Variants in KIRREL2 observed in about 807,000 individuals in gnomAD.
KIRREL2 encodes the protein kirre like nephrin family adhesion molecule 2, also known as kin of IRRE-like protein 2.
KIRREL2 carries 56 observed loss-of-function variants against 73.4 expected under a neutral mutation model. The observed-to-expected ratio is 0.76, with a 90% CI of 0.62 to 0.95. KIRREL2 has a LOEUF of 0.95. KIRREL2 is among the 40% of genes least tolerant of loss of function. The pLI is 0.00. For synonymous variants in KIRREL2, 407 were observed against 404.0 expected (o/e 1.01, Z -0.09); for missense variants, 896 against 935.0 (o/e 0.96, Z 0.54).
intron 4 of KIRREL2, 116 bp from the exon 5 acceptor site, chr19:35,859,365 T>A: frequency 1.2e-6 from 1 of 839,866 alleles, no homozygotes; most frequent in Non-Finnish European, 1.8e-6. Flanking sequence ...TCAGCTATCA[T>A]TAGTGTTAGT....
intron 12 of KIRREL2, 81 bp downstream of exon 12, chr19:35,862,678 TGGGCCTTGGC>T: frequency 9.3e-7 from 1 of 1,073,446 alleles, no homozygotes; most frequent in South Asian, 1.3e-5. Context: ...GACCTGGCCT[TGGGCCTTGGC>T]TCCAGTCCCA....
Position 35,866,505 on chromosome 19 carries a change from G to A in KIRREL2, c.*13G>A, listed in dbSNP as rs763001208. ...GACTCACGTGTGACATCTTTCCAAT[G>A]GAAGAGTCCTGGGATCTCCAACTTG... is the stretch of plus-strand genomic sequence containing the variant. On this transcript the variant is annotated 3_prime_UTR_variant, in exon 15 of 15. Coordinates refer to ENST00000360202, the MANE Select transcript of KIRREL2 (RefSeq NM_199180.4). 4 of 1,613,552 alleles carry A rather than the reference G, an allele frequency of 2.5e-6. No homozygotes were observed. The highest frequency in any genetic ancestry group is 4.5e-5 in the East Asian group (2 of 44,878).
At position 35,860,784 on chromosome 19, in the gene KIRREL2, G is replaced by A; in HGVS notation, c.928+117G>A. Reference sequence around the variant, plus strand: ...AGCGAGCGTGGGGTATTAGGAGGAGGAGAGTGTGGAGCTGGGGCATATTCT... The same window carrying A: ...AGCGAGCGTGGGGTATTAGGAGGAGAAGAGTGTGGAGCTGGGGCATATTCT... On this transcript the variant is annotated intron_variant, in intron 7 of 14. Coordinates refer to ENST00000360202, the MANE Select transcript of KIRREL2 (RefSeq NM_199180.4). 4 of 1,577,610 alleles carry A rather than the reference G, an allele frequency of 2.5e-6. No homozygotes were observed. The South Asian group carries it at 3.3e-5, about 13-fold the overall frequency.
chr19:35,861,550 T>C lies in KIRREL2; in HGVS notation c.1199T>C (p.Val400Ala), dbSNP rs1973684096. 1 of 1,613,758 alleles carries C rather than the reference T, an allele frequency of 6.2e-7. No individual in the cohort carries two copies. Among genetic ancestry groups the C allele is most frequent in the Non-Finnish European group, 8.5e-7 (1 of 1,179,954 alleles). Residue 400 changes from valine (V) to alanine (A), a missense_variant, in exon 10 of 15, where the codon GTA (valine) becomes GCA (alanine). Physicochemically the swap from Val to Ala is moderately conservative, Grantham distance 64. Coordinates refer to ENST00000360202, the MANE Select transcript of KIRREL2 (RefSeq NM_199180.4). Reference sequence around the variant, plus strand: ...ACAGTCTCCATCCCAGCTCCCCCAGTAGTGACCGCCCTGCACTCTGCGCCT... The same window carrying C: ...ACAGTCTCCATCCCAGCTCCCCCAGCAGTGACCGCCCTGCACTCTGCGCCT... The part of the protein sequence containing the change: ...EARLTVNAPP[V>A]VTALHSAPAF...
At chr19:35,863,484 A>T (rs140009065) in intron 13 of KIRREL2, among the ~76,000 whole-genome samples, 1,878 of 130,404 alleles carry the variant, frequency 0.014, 23 homozygotes, top group Middle Eastern at 0.021. Context: ...GCAGAATTTC[A>T]CTCTGTCACC....
intron 7 of KIRREL2, 23 bp from the exon 8 acceptor site, chr19:35,860,886 G>A: frequency 6.2e-7 from 1 of 1,612,808 alleles, no homozygotes; most frequent in South Asian, 1.1e-5. Context: ...CCGGCCATGT[G>A]ACCCCTAGTC....
In KIRREL2 at chr19:35,857,153, C is replaced by G. The variant is rs764100394; in HGVS notation, c.34C>G (p.Leu12Val). 7 of 1,613,012 alleles carry G rather than the reference C, an allele frequency of 4.3e-6. No homozygotes were observed. The East Asian group carries it at 1.1e-4, about 26-fold the overall frequency. The change falls in exon 1 of 15, where the codon CTC (leucine) becomes GTC (valine). Residue 12 changes from leucine (L) to valine (V), a missense_variant. Coordinates refer to ENST00000360202, the MANE Select transcript of KIRREL2 (RefSeq NM_199180.4). ...LRMRVPALLV[L>V]LFCFRGRAGP... Reference sequence around the variant, plus strand: ...GATGCGGGTCCCCGCCCTCCTCGTCCTCCTCTTCTGCTTCAGAGGGAGAGC... The same window carrying G: ...GATGCGGGTCCCCGCCCTCCTCGTCGTCCTCTTCTGCTTCAGAGGGAGAGC...
In KIRREL2 at chr19:35,862,942, C is replaced by A; in HGVS notation, c.1631C>A (p.Ser544Tyr). 1 of 1,572,992 alleles carries A rather than the reference C, an allele frequency of 6.4e-7. No homozygotes were observed. Among genetic ancestry groups the A allele is most frequent in the South Asian group, 1.2e-5 (1 of 85,644 alleles). Reference protein sequence around the residue: ...WRHSKASASFSEQKNLMRIPG... With the variant: ...WRHSKASASFYEQKNLMRIPG... Reference sequence around the variant, plus strand: ...TGTTTGTCAGCCTCAGCCTCTTTCTCCGAGCAAAAGAACCTGATGCGAATC... The same window carrying A: ...TGTTTGTCAGCCTCAGCCTCTTTCTACGAGCAAAAGAACCTGATGCGAATC... The change falls in exon 13 of 15, where the codon TCC becomes TAC. Residue 544 changes from serine (S) to tyrosine (Y), a missense_variant. By Grantham distance (144) the Ser-to-Tyr change is moderately radical. Transcript: ENST00000360202.
chr19:35,859,130 T>C (rs750808486), intron 4 of KIRREL2, among the ~76,000 whole-genome samples: 1 of 152,154 alleles, frequency 6.6e-6, no homozygotes, highest in Non-Finnish European at 1.5e-5. Context: ...ATCAGGATAA[T>C]AGTAGCATGC....
chr19:35,851,441 G>A, upstream of KIRREL2: 2 of 1,613,136 alleles, frequency 1.2e-6, no homozygotes, highest in Non-Finnish European at 8.5e-7. Flanking sequence ...GAGGGTCTCA[G>A]GCTCTGATCC....
chr19:35,864,593 C>A, intron 13 of KIRREL2, 55 bp from the exon 14 acceptor site: 4 of 1,456,600 alleles, frequency 2.7e-6, no homozygotes, highest in Non-Finnish European at 3.9e-6. Flanking sequence ...TGGGGTCTGG[C>A]ATTGGGGCGG....
At chr19:35,851,622 G>C, upstream of KIRREL2, 1 of 1,614,028 alleles carries the variant, frequency 6.2e-7, no homozygotes, top group Non-Finnish European at 8.5e-7. Context: ...TTTTCAGGCA[G>C]GGCCCAGAAG....
At chr19:35,855,218 G>A (rs1222408438), upstream of KIRREL2, among the ~76,000 whole-genome samples, 1 of 152,044 alleles carries the variant, frequency 6.6e-6, no homozygotes, top group African/African-American at 2.4e-5. Context: ...AGCTGGGGGA[G>A]TGGCTCTGTC....
In KIRREL2 at chr19:35,858,707, C is replaced by T. The variant is rs1314374499; in HGVS notation, c.365C>T (p.Pro122Leu). ...SRPAQLHVLVPPEAPQVLGGP... is the reference protein window; with the variant it reads ...SRPAQLHVLVLPEAPQVLGGP... The stretch of plus-strand genomic sequence containing the variant: ...TGACCCCAAATCCACCTTGCAGTCC[C>T]CCCAGAAGCCCCCCAGGTGCTGGGC... Residue 122 changes from proline to leucine, a missense_variant, in exon 4 of 15, where the codon CCC becomes CTC. Physicochemically the swap from Pro to Leu is moderately conservative, Grantham distance 98 (BLOSUM62 -3). Coordinates refer to ENST00000360202, the MANE Select transcript of KIRREL2 (RefSeq NM_199180.4). 5 of 1,613,860 alleles carry T rather than the reference C, an allele frequency of 3.1e-6. No homozygotes were observed. The highest frequency in any genetic ancestry group is 2.7e-5 in the African/African-American group (2 of 74,896).
chr19:35,856,323 C>T (rs778258986), upstream of KIRREL2, among the ~76,000 whole-genome samples: 1 of 152,174 alleles, frequency 6.6e-6, no homozygotes, highest in Admixed American at 6.5e-5. This position sits in a 1 kb window ranked among gnomAD's most constrained non-coding sequence, Gnocchi z 5.9. Flanking sequence ...GCTGGGACTG[C>T]GGGGTCCTGG....
At position 35,860,775 on chromosome 19, in the gene KIRREL2, TAGG is replaced by T. The variant is rs200572299; in HGVS notation, c.928+117_928+119del. The stretch of plus-strand genomic sequence containing the variant: ...GGCCGGGAGAGCGAGCGTGGGGTAT[TAGG>T]AGGAGGAGAGTGTGGAGCTGGGGCA... On this transcript the variant is annotated intron_variant, in intron 7 of 14. Transcript: ENST00000360202. The T allele has an allele frequency of 9.2e-3, 14,596 of 1,579,840 alleles. 87 individuals carry two copies. Among genetic ancestry groups the T allele is most frequent in the Non-Finnish European group, 0.011 (13,150 of 1,163,204 alleles).
intron 14 of KIRREL2, among the ~76,000 whole-genome samples, chr19:35,865,058 C>A (rs976848675): frequency 1.3e-5 from 2 of 152,058 alleles, no homozygotes; most frequent in African/African-American, 4.8e-5. Flanking sequence ...CAGACTGGTT[C>A]TTCCTCTGGG....
rs781602474 is a variant in KIRREL2, at chr19:35,861,157, G to A, written c.1092G>A (p.Ser364=). The A allele has an allele frequency of 2.5e-6, 4 of 1,592,568 alleles. No homozygotes were observed. The highest frequency in any genetic ancestry group is 2.7e-5 in the African/African-American group (2 of 74,038). Reference sequence around the variant, plus strand: ...CTGGAGCCACACTGCGTCTTCCGTCGGTGGGGCCCGAGGACGCAGGCGACT... The same window carrying A: ...CTGGAGCCACACTGCGTCTTCCGTCAGTGGGGCCCGAGGACGCAGGCGACT... ...LGSGATLRLP[S]VGPEDAGDYV... Residue 364 remains serine (S), a synonymous_variant, in exon 9 of 15, where the codon TCG becomes TCA. Coordinates refer to ENST00000360202, the MANE Select transcript of KIRREL2 (RefSeq NM_199180.4).
At position 35,866,659 on chromosome 19, in the gene KIRREL2, C is replaced by A; in HGVS notation, c.*167C>A. ...AGCATTTGTATACAGTCAGCTCAGC[C>A]AAAGGAGATGCCCCAAGTGGGAGCA... On this transcript the variant is annotated 3_prime_UTR_variant, in exon 15 of 15. Transcript: ENST00000360202. 1 of 986,988 alleles carries A rather than the reference C, an allele frequency of 1.0e-6. No individual in the cohort carries two copies. The highest frequency in any genetic ancestry group is 1.5e-6 in the Non-Finnish European group (1 of 660,996). 61.1% of individuals were successfully genotyped at this position (986,988 alleles called of 1,614,324 possible).
Sources: gnomAD v4.1 joint callset for allele counts (sites outside exome capture counted in the v4.1 genomes callset) on GRCh38, gnomAD v4.1.1 for gene constraint, Gnocchi (gnomAD v3.1) non-coding constraint, MANE v1.5 for transcripts, NCBI Gene and HGNC (gene_info 2026-07-23, HGNC 2026-07-21) for gene names.